Variants in HAUS6 observed in about 807,000 individuals in gnomAD.
HAUS6 encodes the protein HAUS augmin like complex subunit 6.
In HAUS6, 80 loss-of-function variants were observed where a neutral mutation model predicts 106.8. That is an observed-to-expected ratio of 0.75 (90% CI 0.63 to 0.90). The LOEUF (loss-of-function observed/expected upper bound fraction) is 0.90. Ranked by LOEUF, HAUS6 falls within the 40% of genes least tolerant of loss-of-function variation. The pLI is 0.00. For synonymous variants in HAUS6, 356 were observed against 379.1 expected (o/e 0.94, Z 0.71); for missense variants, 1,155 against 1,118.1 (o/e 1.03, Z -0.47).
Position 19,056,597 on chromosome 9 carries a change from CTTT to C in HAUS6, c.2807-196_2807-194del, listed in dbSNP as rs879658713. 8 of 415,912 alleles carry C rather than the reference CTTT, an allele frequency of 1.9e-5. No homozygotes were observed. The East Asian group carries it at 2.8e-4, about 14-fold the overall frequency. 25.8% of individuals were successfully genotyped at this position (415,912 alleles called of 1,614,324 possible). A position where few individuals can be genotyped will look rare whatever the true frequency, so the allele number is the denominator to read the frequency against. Reference sequence around the variant, plus strand: ...AGATCAATACATTCCTCCCAGAGTACTTTTTTTTTTTTCTTTTTTCTGCGACAG... The same window carrying C: ...AGATCAATACATTCCTCCCAGAGTACTTTTTTTTTCTTTTTTCTGCGACAG... On this transcript the variant is annotated intron_variant, in intron 16 of 16. Transcript: ENST00000380502.
rs530000032 is a variant in HAUS6 at position 19,095,677 on chromosome 9, A to C, written c.224+997T>G. Reference sequence around the variant, plus strand: ...TATCAAAAATGAAAATAATGCCCTAAGCGATAGACCTACTTGTTGCTTTTC... The same window carrying C: ...TATCAAAAATGAAAATAATGCCCTACGCGATAGACCTACTTGTTGCTTTTC... On this transcript the variant is annotated intron_variant, in intron 2 of 16. Transcript: ENST00000380502. 1.2e-3 allele frequency among the ~76,000 whole-genome samples: 185 copies of C among 152,286 alleles called. 1 individual carries two copies. Among genetic ancestry groups the C allele is most frequent in the African/African-American group, 4.2e-3 (175 of 41,572 alleles).
rs1441714013 is a variant in HAUS6 at position 19,056,112 on chromosome 9, T to C, written c.*231A>G. On this transcript the variant is annotated 3_prime_UTR_variant, in exon 17 of 17. Transcript: ENST00000380502. ...AAATGGCTTCCCATTGCTTGACGTTTGTTGTCCAAATACTTCACATTTCAA... is the reference window on the plus strand; with the variant it reads ...AAATGGCTTCCCATTGCTTGACGTTCGTTGTCCAAATACTTCACATTTCAA... 2 of 405,446 alleles carry C rather than the reference T, an allele frequency of 4.9e-6. No individual in the cohort carries two copies. The highest frequency in any genetic ancestry group is 8.1e-5 in the Admixed American group (2 of 24,552). 25.1% of individuals were successfully genotyped at this position (405,446 alleles called of 1,614,324 possible).
rs1321521637 is a variant in HAUS6 at position 19,076,839 on chromosome 9, T to C, written c.1192-135A>G. The stretch of plus-strand genomic sequence containing the variant: ...TTACCAAGAATGTATCAGATAACTA[T>C]TTTTATTTATTTATTTTTCTTAAAG... On this transcript the variant is annotated intron_variant, in intron 10 of 16. Transcript: ENST00000380502. 5.1e-6 allele frequency: 3 copies of C among 589,252 alleles called. No individual in the cohort carries two copies. The African/African-American group carries it at 5.7e-5, about 11-fold the overall frequency. The allele number at this position is 589,252 out of a possible 1,614,324, so 36.5% of individuals were successfully genotyped here. A position where few individuals can be genotyped will look rare whatever the true frequency, so the allele number is the denominator to read the frequency against.
At chr9:19,089,268 AAG>A (rs1217724186) in intron 5 of HAUS6, 142 bp downstream of exon 5, 747 of 483,386 alleles carry the variant, frequency 1.5e-3, no homozygotes, top group Middle Eastern at 2.8e-3. Flanking sequence ...GAAAAAAAAA[AAG>A]AAGAAGAAGT....
intron 16 of HAUS6, chr9:19,056,842 C>G (rs1836483898): frequency 6.3e-6 from 1 of 158,362 alleles, no homozygotes. Context: ...TTCAAGTGAT[C>G]CTCCCATCTC....
chr9:19,057,696 G>T, intron 16 of HAUS6: 1 of 412,562 alleles, frequency 2.4e-6, no homozygotes, highest in Non-Finnish European at 4.3e-6. Flanking sequence ...TTACTTTTCA[G>T]TCATTTGTAT....
At position 19,085,070 on chromosome 9, in the gene HAUS6, G is replaced by C. The variant is rs929605112; in HGVS notation, c.699+1664C>G. On this transcript the variant is annotated intron_variant, in intron 7 of 16. Coordinates refer to ENST00000380502, the MANE Select transcript of HAUS6 (RefSeq NM_017645.5). ...AGCCTCCTGAGTAGGTGAAACTATA[G>C]GTGTGTGCCACCCTAAATATCTCTG... Among the ~76,000 whole-genome samples the C allele has an allele frequency of 3.9e-5, 6 of 152,210 alleles. No individual in the cohort carries two copies. The East Asian group carries it at 1.2e-3, about 29-fold the overall frequency.
intron 5 of HAUS6, among the ~76,000 whole-genome samples, chr9:19,088,945 G>A (rs923555525): frequency 6.6e-6 from 1 of 151,026 alleles, no homozygotes; most frequent in African/African-American, 2.5e-5. Flanking sequence ...ATTTTAGGCA[G>A]AAGTTATCTG....
At chr9:19,092,549 A>G (rs1396422134) in intron 4 of HAUS6, among the ~76,000 whole-genome samples, 1 of 140,308 alleles carries the variant, frequency 7.1e-6, no homozygotes, top group Non-Finnish European at 1.5e-5. Context: ...CAGGAGGCAG[A>G]GGTTGCGGTG....
intron 5 of HAUS6, among the ~76,000 whole-genome samples, chr9:19,087,863 A>AG (rs1817655268): frequency 6.6e-6 from 1 of 151,226 alleles, no homozygotes; most frequent in South Asian, 2.1e-4. Flanking sequence ...AAAAAAAAAA[A>AG]AAAAAAAACC....
intron 8 of HAUS6, among the ~76,000 whole-genome samples, chr9:19,081,276 G>T (rs184579710): frequency 1.3e-5 from 2 of 152,052 alleles, no homozygotes; most frequent in Admixed American, 1.3e-4. Context: ...AATAAAGATT[G>T]AGCAGAAACA....
intron 8 of HAUS6, among the ~76,000 whole-genome samples, chr9:19,082,367 G>C (rs1837170040): frequency 6.6e-6 from 1 of 152,186 alleles, no homozygotes; most frequent in South Asian, 2.1e-4. Context: ...GTACTGTACA[G>C]GTAAGGGGCA....
chr9:19,085,955 T>C (rs1201998146), intron 7 of HAUS6, among the ~76,000 whole-genome samples: 2 of 151,738 alleles, frequency 1.3e-5, no homozygotes, highest in Non-Finnish European at 2.9e-5. Flanking sequence ...TTAGAGGCAC[T>C]CTATCAATAT....
chr9:19,066,092 C>A lies in HAUS6; in HGVS notation c.1377-2512G>T, dbSNP rs1268985121. ...CTGGAATTACAGGTGCCGACCACCA[C>A]ACCTGGCTAATTTTTGTAGTTTTAA... is the stretch of plus-strand genomic sequence containing the variant. On this transcript the variant is annotated intron_variant, in intron 12 of 16. Coordinates refer to ENST00000380502, the MANE Select transcript of HAUS6 (RefSeq NM_017645.5). Among the ~76,000 whole-genome samples the A allele has an allele frequency of 3.3e-5, 5 of 151,794 alleles. No individual in the cohort carries two copies. In the South Asian group the frequency reaches 1.0e-3, roughly 32 times the overall value.
Position 19,102,884 on chromosome 9 carries a change from A to C in HAUS6, c.-233T>G. On this transcript the variant is annotated 5_prime_UTR_variant, in exon 1 of 17. Transcript: ENST00000380502. Reference sequence around the variant, plus strand: ...CACTGCCTCAGCGAAGCCACCACAAACCGAGACTCCCGCCCTTAAGGAAGA... The same window carrying C: ...CACTGCCTCAGCGAAGCCACCACAACCCGAGACTCCCGCCCTTAAGGAAGA... The C allele has an allele frequency of 5.4e-6, 2 of 372,864 alleles. No individual in the cohort carries two copies. 23.1% of individuals were successfully genotyped at this position (372,864 alleles called of 1,614,324 possible). A position where few individuals can be genotyped will look rare whatever the true frequency, so the allele number is the denominator to read the frequency against.
intron 1 of HAUS6, among the ~76,000 whole-genome samples, 183 bp from the exon 2 acceptor site, chr9:19,096,952 T>C (rs1817877801): frequency 6.6e-6 from 1 of 152,160 alleles, no homozygotes; most frequent in East Asian, 1.9e-4. Flanking sequence ...CAAGCTTTCA[T>C]TTTCTAATTC....
chr9:19,075,451 A>G (rs971331168), intron 11 of HAUS6, among the ~76,000 whole-genome samples: 2 of 152,344 alleles, frequency 1.3e-5, no homozygotes, highest in Admixed American at 1.3e-4. Context: ...GATGTAAAAA[A>G]CTTGAAAATA....
intron 7 of HAUS6, among the ~76,000 whole-genome samples, chr9:19,083,707 C>T (rs1348782244): frequency 1.3e-5 from 2 of 150,220 alleles, no homozygotes; most frequent in Admixed American, 1.3e-4. Flanking sequence ...GAGGCTGAGG[C>T]AGAAGAATGG....
At chr9:19,102,339 A>T (rs1818006435) in intron 1 of HAUS6, among the ~76,000 whole-genome samples, 185 bp downstream of exon 1, 1 of 152,114 alleles carries the variant, frequency 6.6e-6, no homozygotes, top group African/African-American at 2.4e-5. Context: ...CTCTTGCATT[A>T]TTTACTGTCT....
Sources: allele counts gnomAD v4.1 joint callset (sites outside exome capture counted in the v4.1 genomes callset), GRCh38; gene constraint gnomAD v4.1.1; transcripts MANE v1.5; gene names NCBI Gene and HGNC (gene_info 2026-07-23, HGNC 2026-07-21).